Variants in NFKBID observed in about 807,000 individuals in gnomAD.
The protein encoded by NFKBID is NF-kappa-B inhibitor delta.
NFKBID carries 26 observed loss-of-function variants against 53.4 expected under a neutral mutation model. That is an observed-to-expected ratio of 0.49 (90% CI 0.36 to 0.68). The LOEUF (loss-of-function observed/expected upper bound fraction) is 0.68, where lower values mean the gene tolerates loss of function less well. Among genes scored for constraint, NFKBID ranks in the 30% least tolerant of loss-of-function variants. The probability of loss-of-function intolerance (pLI) is 0.00; values close to 1 mark genes in which losing one functional copy is unlikely to be tolerated. For synonymous variants in NFKBID, 262 were observed against 259.8 expected, an observed-to-expected ratio of 1.01 and a Z score of -0.08; for missense variants, 493 against 614.1, an observed-to-expected ratio of 0.80 and a Z score of 2.08.
At position 35,896,731 on chromosome 19, in the gene NFKBID, C is replaced by A. The variant is rs1486272313; in HGVS notation, c.679G>T (p.Gly227Cys). The A allele has an allele frequency of 1.9e-6, 3 of 1,613,540 alleles. No individual in the cohort carries two copies. Among genetic ancestry groups the A allele is most frequent in the Non-Finnish European group, 2.5e-6 (3 of 1,179,716 alleles). ...GTTCAGGCCCCAAGCCTCACCTTGC[C>A]CTTATGCTCACGAATGTCAAGACGC... The change falls in exon 6 of 12, where the codon GGC becomes TGC. Residue 227 changes from glycine to cysteine, a missense_variant. Physicochemically the swap from Gly to Cys is radical, Grantham distance 159 (BLOSUM62 -3). Coordinates refer to ENST00000641389, the Ensembl canonical transcript of NFKBID. The surrounding 1 kb of genome is among the most constrained non-coding windows in gnomAD (Gnocchi z 5.7).
rs1975191121 is a variant in NFKBID at position 35,896,771 on chromosome 19, C to A, written c.639G>T (p.Val213=). The A allele has an allele frequency of 1.9e-6, 3 of 1,613,874 alleles. No homozygotes were observed. The highest frequency in any genetic ancestry group is 2.7e-5 in the African/African-American group (2 of 74,922). ...TGTCAAGACGCCGGTACACCTGGAG[C>A]ACCTCAGCCGCAGCATATGCCGCCC... The change falls in exon 6 of 12, where the codon GTG becomes GTT. Residue 213 remains valine, a synonymous_variant. Transcript: ENST00000641389. This position sits in a 1 kb window ranked among gnomAD's most constrained non-coding sequence, Gnocchi z 5.7.
At chr19:35,889,819 T>C in intron 11 of NFKBID, 71 bp downstream of exon 11, 2 of 1,440,226 alleles carry the variant, frequency 1.4e-6, no homozygotes, top group Non-Finnish European at 1.9e-6. Context: ...GAGCATTGGG[T>C]GGGGCAGGGA....
Position 35,900,553 on chromosome 19 carries a change from G to A in NFKBID, c.-51C>T. Reference sequence around the variant, plus strand: ...CCGCCGGGTCCCCGATCTTGGGTCCGGTACCCGCGAGTTTTTAAACTAGGG... The same window carrying A: ...CCGCCGGGTCCCCGATCTTGGGTCCAGTACCCGCGAGTTTTTAAACTAGGG... On this transcript the variant is annotated 5_prime_UTR_variant, in exon 1 of 12. Transcript: ENST00000641389. 8.1e-7 allele frequency: 1 copy of A among 1,231,594 alleles called. No homozygotes were observed. Among genetic ancestry groups the A allele is most frequent in the Non-Finnish European group, 1.0e-6 (1 of 987,602 alleles). The allele number at this position is 1,231,594 out of a possible 1,614,324, so 76.3% of individuals were successfully genotyped here.
At chr19:35,899,663 G>T (rs1599629223) in intron 1 of NFKBID, 1 of 148,436 alleles carries the variant, frequency 6.7e-6, no homozygotes, top group Admixed American at 6.8e-5. Context: ...GGGAGCCCCA[G>T]TTCCCAAACT....
intron 11 of NFKBID, 39 bp from the exon 12 acceptor site, chr19:35,888,651 T>C (rs1215580623): frequency 6.5e-6 from 10 of 1,530,836 alleles, no homozygotes; most frequent in Non-Finnish European, 8.9e-6. Flanking sequence ...GTCTGTCAGG[T>C]TGGAAGGAGA....
Position 35,896,696 on chromosome 19 carries a change from A to G in NFKBID, c.684+30T>C. 1 of 1,601,356 alleles carries G rather than the reference A, an allele frequency of 6.2e-7. No individual in the cohort carries two copies. Among genetic ancestry groups the G allele is most frequent in the Non-Finnish European group, 8.5e-7 (1 of 1,169,800 alleles). On this transcript the variant is annotated intron_variant, in intron 6 of 11. Coordinates refer to ENST00000641389, the Ensembl canonical transcript of NFKBID. This position sits in a 1 kb window ranked among gnomAD's most constrained non-coding sequence, Gnocchi z 5.7. The stretch of plus-strand genomic sequence containing the variant: ...GGCCCCAGGCTCCTTCCTCCCCTGA[A>G]CCCAGGAGAGTTCAGGCCCCAAGCC...
At chr19:35,893,373 G>A (rs770945544) in intron 9 of NFKBID, among the ~76,000 whole-genome samples, 4 of 151,950 alleles carry the variant, frequency 2.6e-5, no homozygotes, top group Non-Finnish European at 2.9e-5. Context: ...TCCTAACCCC[G>A]CTAATAATGC....
In NFKBID at chr19:35,890,160, A is replaced by G. The variant is rs192563958; in HGVS notation, c.1150-106T>C. ...GTCTACGTCCTACACTTGTCCTTTC[A>G]CATCCCAGACCTCCCCCGGCCACAG... On this transcript the variant is annotated intron_variant, in intron 10 of 11. Transcript: ENST00000641389. The G allele has an allele frequency of 1.7e-3, 2,077 of 1,224,968 alleles. 8 individuals are homozygous for G. The highest frequency in any genetic ancestry group is 6.5e-3 in the South Asian group (471 of 72,380). The allele number at this position is 1,224,968 out of a possible 1,614,324, so 75.9% of individuals were successfully genotyped here. A position where few individuals can be genotyped will look rare whatever the true frequency, so the allele number is the denominator to read the frequency against.
At chr19:35,890,011 G>C (rs1250502416) in exon 11 of NFKBID, 6 of 1,608,244 alleles carry the variant, frequency 3.7e-6, no homozygotes, top group Non-Finnish European at 5.1e-6. Context: ...GGCCGGCCCA[G>C]GGGGCAGGGC....
At chr19:35,898,004 T>C (rs74476443) in intron 3 of NFKBID, 148 bp from the exon 4 acceptor site, 9,076 of 624,112 alleles carry the variant, frequency 0.015, 125 homozygotes, top group East Asian at 0.067. Context: ...CCTGGGACAC[T>C]GAGGAATTGA....
intron 9 of NFKBID, among the ~76,000 whole-genome samples, chr19:35,894,908 G>A (rs185635681): frequency 9.1e-4 from 138 of 151,614 alleles, no homozygotes; most frequent in Admixed American, 3.7e-3. Context: ...CAGGAGAATC[G>A]CTTGAACCCA....
chr19:35,900,347 C>A, intron 1 of NFKBID, 95 bp downstream of exon 1: 1 of 964,144 alleles, frequency 1.0e-6, no homozygotes, highest in Non-Finnish European at 1.3e-6. Context: ...AAAGGACTGA[C>A]GCTTCAGCTC....
chr19:35,893,297 T>A (rs890576223), intron 9 of NFKBID, among the ~76,000 whole-genome samples: 3 of 152,216 alleles, frequency 2.0e-5, no homozygotes, highest in Non-Finnish European at 4.4e-5. Flanking sequence ...ACCTTCTCTG[T>A]ATTGCCCAAA....
intron 9 of NFKBID, 103 bp from the exon 10 acceptor site, chr19:35,890,593 G>A (rs755067676): frequency 1.7e-5 from 14 of 828,338 alleles, no homozygotes; most frequent in Non-Finnish European, 2.8e-5. Flanking sequence ...GCGGAGTGCG[G>A]TGGTTCACGC....
chr19:35,895,507 A>C (rs1422595808), intron 9 of NFKBID, among the ~76,000 whole-genome samples: 1 of 146,116 alleles, frequency 6.8e-6, no homozygotes, highest in East Asian at 2.1e-4. Context: ...AAAACAAACA[A>C]ACAAAAAAAC....
intron 9 of NFKBID, among the ~76,000 whole-genome samples, chr19:35,893,117 C>T (rs966022517): frequency 6.6e-6 from 1 of 152,140 alleles, no homozygotes; most frequent in East Asian, 1.9e-4. Flanking sequence ...TGCAGTGATT[C>T]GTGATCGCAC....
chr19:35,898,459 T>A lies in NFKBID; in HGVS notation c.226+13A>T, dbSNP rs1230008814. 6.6e-7 allele frequency: 1 copy of A among 1,523,194 alleles called. No homozygotes were observed. The allele number at this position is 1,523,194 out of a possible 1,614,324, so 94.4% of individuals were successfully genotyped here. A position where few individuals can be genotyped will look rare whatever the true frequency, so the allele number is the denominator to read the frequency against. ...GAAGGGGGATGGGGAGGCCGGGAGC[T>A]GAGAGAACTTACCAGTCACAGCCTC... On this transcript the variant is annotated intron_variant, in intron 3 of 11. Transcript: ENST00000641389.
intron 1 of NFKBID, among the ~76,000 whole-genome samples, chr19:35,899,958 G>A (rs1975457091): frequency 6.6e-6 from 1 of 151,668 alleles, no homozygotes; most frequent in Admixed American, 6.6e-5. Flanking sequence ...GCCCCGCACG[G>A]GTGGCCATCC....
At chr19:35,898,618 G>T in intron 2 of NFKBID, 86 bp from the exon 3 acceptor site, 1 of 1,408,820 alleles carries the variant, frequency 7.1e-7, no homozygotes, top group Non-Finnish European at 9.6e-7. Context: ...AGACATTTCG[G>T]TCAGGACCAC....
Sources: gnomAD v4.1 joint callset for allele counts (sites outside exome capture counted in the v4.1 genomes callset) on GRCh38, gnomAD v4.1.1 for gene constraint, Gnocchi (gnomAD v3.1) non-coding constraint, MANE v1.5 for transcripts, NCBI Gene and HGNC (gene_info 2026-07-23, HGNC 2026-07-21) for gene names.